Variants in C4orf50 observed in about 807,000 individuals in gnomAD.
C4orf50 encodes uncharacterized protein C4orf50.
C4orf50 carries 80 observed loss-of-function variants against 77.2 expected under a neutral mutation model. The ratio of observed to expected loss-of-function variants is 1.04; its 90% confidence interval spans 0.87 to 1.25. The LOEUF is 1.25. Ranked by LOEUF, C4orf50 falls within the 50% of genes most tolerant of loss-of-function variation. C4orf50 has a pLI of 0.00. For synonymous variants in C4orf50, 532 were observed against 465.3 expected (o/e 1.14, Z -1.84); for missense variants, 1,257 against 1,152.9 (o/e 1.09, Z -1.31).
chr4:5,990,810 C>T, exon 28 of C4orf50: 1 of 399,196 alleles, frequency 2.5e-6, no homozygotes, highest in East Asian at 3.6e-5. Flanking sequence ...CCAAGCTGGG[C>T]TCTGCCAGAG....
At chr4:5,952,613 G>A (rs369797718), downstream of C4orf50, among the ~76,000 whole-genome samples, 6 of 152,156 alleles carry the variant, frequency 3.9e-5, no homozygotes, top group African/African-American at 9.7e-5. The surrounding 1 kb of genome is among the most constrained non-coding windows in gnomAD (Gnocchi z 4.4). Flanking sequence ...ACCACTTCCC[G>A]TCCTTAAGGG....
chr4:5,948,667 C>A (rs550854129), intron 7 of C4orf50, among the ~76,000 whole-genome samples: 2 of 152,184 alleles, frequency 1.3e-5, no homozygotes, highest in Non-Finnish European at 2.9e-5. Context: ...TGGTGCCATG[C>A]ACCTGTAGTC....
chr4:5,928,745 C>T (rs1330268532), intron 7 of C4orf50, among the ~76,000 whole-genome samples: 2 of 152,208 alleles, frequency 1.3e-5, no homozygotes, highest in African/African-American at 4.8e-5. Context: ...ACAGGGGAAC[C>T]TCCAAATGAA....
chr4:5,903,010 G>C (rs1257938803), intron 7 of C4orf50: 1 of 152,138 alleles, frequency 6.6e-6, no homozygotes, highest in Non-Finnish European at 1.5e-5. Flanking sequence ...TTCCTCCCTG[G>C]GCCTCTGCAT....
intron 31 of C4orf50, among the ~76,000 whole-genome samples, chr4:5,973,194 G>A (rs1432735786): frequency 6.6e-6 from 1 of 152,176 alleles, no homozygotes; most frequent in East Asian, 1.9e-4. Flanking sequence ...ACGTGCAATG[G>A]AGCACAGAGG....
chr4:5,947,034 G>A (rs1174022023), intron 7 of C4orf50, among the ~76,000 whole-genome samples: 3 of 152,348 alleles, frequency 2.0e-5, no homozygotes, highest in African/African-American at 2.4e-5. Flanking sequence ...GAAGGTCACA[G>A]GCTTGGCCTG....
chr4:5,990,738 G>T, exon 28 of C4orf50: 1 of 399,138 alleles, frequency 2.5e-6, no homozygotes. Flanking sequence ...CCATGCGGAG[G>T]AGTGACTCGT....
At chr4:5,988,607 C>T (rs1245711062) in exon 28 of C4orf50, 6 of 1,536,126 alleles carry the variant, frequency 3.9e-6, no homozygotes, top group Non-Finnish European at 5.2e-6. Flanking sequence ...GGCCCACAGG[C>T]TCTTGAAAGC....
intron 7 of C4orf50, among the ~76,000 whole-genome samples, chr4:5,921,854 G>A (rs961552409): frequency 6.6e-6 from 1 of 152,166 alleles, no homozygotes; most frequent in African/African-American, 2.4e-5. Context: ...AGGAAATGGG[G>A]CCAGGGAAAG....
chr4:5,939,200 G>T (rs776682302), intron 7 of C4orf50, among the ~76,000 whole-genome samples: 52 of 151,988 alleles, frequency 3.4e-4, no homozygotes, highest in Admixed American at 6.5e-5. Context: ...CCGAGATCGC[G>T]CCATTGCACT....
At chr4:5,967,277 G>A in intron 32 of C4orf50, 137 bp downstream of exon 10, 2 of 713,110 alleles carry the variant, frequency 2.8e-6, no homozygotes, top group South Asian at 3.0e-5. Context: ...AAGCGGGAGG[G>A]AGAGGTGGGT....
chr4:5,981,705 G>A lies in C4orf50; in HGVS notation c.3700-1367C>T, dbSNP rs573629281. On this transcript the variant is annotated intron_variant, in intron 28 of 33. Transcript: ENST00000531445. ...AGGCATGAGCCACCATGCTCGGCCC[G>A]ACATGAGCATCTTTAAGCTCTTGGT... 1.1e-3 allele frequency among the ~76,000 whole-genome samples: 170 copies of A among 152,206 alleles called. 1 individual carries two copies. Among genetic ancestry groups the A allele is most frequent in the African/African-American group, 2.4e-3 (100 of 41,534 alleles).
rs989379179 is a variant in C4orf50 at position 5,916,080 on chromosome 4, C to T, written c.*2475-17892G>A. ...TAACAAGGGATGGGTGTGCAGCTAC[C>T]ACAGGGGCAGAGCTCAGCTCCACAC... On this transcript the variant is annotated intron_variant, in intron 7 of 7. Coordinates refer to the C4orf50 transcript ENST00000324058. This position sits in a 1 kb window ranked among gnomAD's most constrained non-coding sequence, Gnocchi z 4.4. 6.6e-6 allele frequency among the ~76,000 whole-genome samples: 1 copy of T among 152,152 alleles called. No homozygotes were observed. Among genetic ancestry groups the T allele is most frequent in the African/African-American group, 2.4e-5 (1 of 41,428 alleles).
intron 33 of C4orf50, among the ~76,000 whole-genome samples, chr4:5,959,853 G>T (rs949493079): frequency 6.6e-6 from 1 of 152,188 alleles, no homozygotes; most frequent in African/African-American, 2.4e-5. Context: ...AATGAGATTG[G>T]GGCAGCGTGA....
rs1722728640 is a variant in C4orf50 at position 6,017,615 on chromosome 4, A to C, written c.287+530T>G. Among the ~76,000 whole-genome samples the C allele has an allele frequency of 2.0e-5, 3 of 152,134 alleles. No homozygotes were observed. Among genetic ancestry groups the C allele is most frequent in the Admixed American group, 2.0e-4 (3 of 15,268 alleles). On this transcript the variant is annotated intron_variant, in intron 23 of 33. Transcript: ENST00000531445. This position sits in a 1 kb window ranked among gnomAD's most constrained non-coding sequence, Gnocchi z 4.7. ...CCTATGCAAGCCTTCCAGAGCACAC[A>C]TGCTTTTTCCCCAGGATATAAGCCC...
At chr4:6,003,756 GATGTGATA>G (rs1343654793) in intron 25 of C4orf50, among the ~76,000 whole-genome samples, 2 of 138,494 alleles carry the variant, frequency 1.4e-5, no homozygotes, top group African/African-American at 2.8e-5. Flanking sequence ...TGATGGTGAT[GATGTGATA>G]GTGATGATGG....
exon 28 of C4orf50, chr4:5,988,530 G>A (rs1348144270): frequency 6.5e-7 from 1 of 1,537,596 alleles, no homozygotes; most frequent in Admixed American, 2.0e-5. Context: ...CACCGCGTCT[G>A]GAATTCCCGG....
At chr4:5,954,863 G>A (rs753122113), downstream of C4orf50, among the ~76,000 whole-genome samples, 42 of 152,108 alleles carry the variant, frequency 2.8e-4, no homozygotes, top group Non-Finnish European at 5.4e-4. The surrounding 1 kb of genome is among the most constrained non-coding windows in gnomAD (Gnocchi z 4.7). Flanking sequence ...ATGCTGGTTG[G>A]GAGAGACCTG....
chr4:5,955,513 T>C (rs1024770090), downstream of C4orf50, among the ~76,000 whole-genome samples: 5 of 152,202 alleles, frequency 3.3e-5, no homozygotes, highest in African/African-American at 1.2e-4. The surrounding 1 kb of genome is among the most constrained non-coding windows in gnomAD (Gnocchi z 5.1). Flanking sequence ...AATTTCCATT[T>C]TCCCAGGAGA....
Sources: allele counts gnomAD v4.1 joint callset (sites outside exome capture counted in the v4.1 genomes callset), GRCh38; gene constraint gnomAD v4.1.1; non-coding constraint Gnocchi (gnomAD v3.1); transcripts MANE v1.5; gene names NCBI Gene and HGNC (gene_info 2026-07-23, HGNC 2026-07-21).